The following SPAG16 variants were observed in gnomAD, a reference collection of about 807,000 sequenced individuals.
SPAG16 encodes sperm-associated antigen 16 protein.
Under a neutral mutation model 80.4 loss-of-function variants are expected in SPAG16, and 86 were observed. That is an observed-to-expected ratio of 1.07 (90% CI 0.90 to 1.28). The LOEUF is 1.28. Among genes scored for constraint, SPAG16 ranks in the 50% most tolerant of loss-of-function variants. SPAG16 has a pLI of 0.00. For synonymous variants in SPAG16, 294 were observed against 265.9 expected, an observed-to-expected ratio of 1.11 and a Z score of -1.03; for missense variants, 870 against 765.3, an observed-to-expected ratio of 1.14 and a Z score of -1.61.
chr2:213,865,929 A>G (rs1224152987), intron 11 of SPAG16, among the ~76,000 whole-genome samples: 2 of 145,410 alleles, frequency 1.4e-5, no homozygotes, highest in African/African-American at 5.2e-5. Flanking sequence ...TATATTATAT[A>G]TATATACTAT....
chr2:213,360,144 C>T (rs1439758014), intron 7 of SPAG16, among the ~76,000 whole-genome samples: 1 of 152,102 alleles, frequency 6.6e-6, no homozygotes, highest in African/African-American at 2.4e-5. Context: ...ACAGGTTTTA[C>T]CATGGACAAT....
intron 12 of SPAG16, among the ~76,000 whole-genome samples, chr2:213,967,980 G>A (rs1483084852): frequency 6.6e-6 from 1 of 152,054 alleles, no homozygotes; most frequent in Non-Finnish European, 1.5e-5. Flanking sequence ...AATGTGTAAA[G>A]GTAGAATACT....
intron 13 of SPAG16, among the ~76,000 whole-genome samples, chr2:214,094,862 A>C (rs1199266761): frequency 1.3e-5 from 2 of 152,016 alleles, no homozygotes; most frequent in African/African-American, 4.8e-5. Context: ...AAGGAGCTAC[A>C]CTTAAACTAC....
At chr2:214,182,286 C>T (rs2057332705) in intron 15 of SPAG16, among the ~76,000 whole-genome samples, 2 of 151,780 alleles carry the variant, frequency 1.3e-5, no homozygotes, top group South Asian at 2.1e-4. Flanking sequence ...GTTTGAGACT[C>T]TGGGTAATCA....
intron 13 of SPAG16, among the ~76,000 whole-genome samples, chr2:214,075,841 A>G (rs958144505): frequency 1.2e-4 from 18 of 152,182 alleles, no homozygotes; most frequent in African/African-American, 4.3e-4. Flanking sequence ...AGTAAGGATG[A>G]ACAGATTGTA....
chr2:213,613,972 C>T (rs2061517013), intron 10 of SPAG16, among the ~76,000 whole-genome samples: 1 of 152,180 alleles, frequency 6.6e-6, no homozygotes, highest in African/African-American at 2.4e-5. Context: ...CTTTGTCACA[C>T]AGTGTGGTCA....
intron 10 of SPAG16, among the ~76,000 whole-genome samples, chr2:213,616,804 T>A (rs1267724548): frequency 1.3e-5 from 2 of 152,192 alleles, no homozygotes; most frequent in East Asian, 3.8e-4. Flanking sequence ...GTACTCTGTC[T>A]GCATAGGGTA....
Position 213,387,429 on chromosome 2 carries a change from C to CTTTTTTTTTTTTTTTTTTTTTT in SPAG16, c.942+12311_942+12312insTTTTTTTTTTTTTTTTTTTTTT, listed in dbSNP as rs1491308938. 1.1e-4 allele frequency among the ~76,000 whole-genome samples: 8 copies of CTTTTTTTTTTTTTTTTTTTTTT among 71,760 alleles called. 1 individual carries two copies. Among genetic ancestry groups the CTTTTTTTTTTTTTTTTTTTTTT allele is most frequent in the Non-Finnish European group, 1.7e-4 (7 of 41,902 alleles). 47.1% of individuals were successfully genotyped at this position (71,760 alleles called of 152,430 possible). A position where few individuals can be genotyped will look rare whatever the true frequency, so the allele number is the denominator to read the frequency against. On this transcript the variant is annotated intron_variant, in intron 9 of 15. Coordinates refer to ENST00000331683, the MANE Select transcript of SPAG16 (RefSeq NM_024532.5). ...TTTTTGGGTTGGAATGAAATGCATGCTCTTTTTTTTTTTTTTTTTTTTTTT... is the reference window on the plus strand; with the variant it reads ...TTTTTGGGTTGGAATGAAATGCATGCTTTTTTTTTTTTTTTTTTTTTTTCTTTTTTTTTTTTTTTTTTTTTTT...
At chr2:213,849,447 G>T (rs2074795585) in intron 10 of SPAG16, among the ~76,000 whole-genome samples, 1 of 152,146 alleles carries the variant, frequency 6.6e-6, no homozygotes, top group African/African-American at 2.4e-5. Flanking sequence ...TGAAAGTGCT[G>T]AAGTTTGATG....
At chr2:213,700,289 G>C (rs1446210982) in intron 10 of SPAG16, among the ~76,000 whole-genome samples, 1 of 151,428 alleles carries the variant, frequency 6.6e-6, no homozygotes, top group African/African-American at 2.4e-5. Context: ...AATAGATGCA[G>C]TTCTTTTACT....
In SPAG16 at chr2:214,155,812, T is replaced by C. The variant is rs571813166; in HGVS notation, c.1720+6546T>C. Among the ~76,000 whole-genome samples, 4 of 152,246 alleles carry C rather than the reference T, an allele frequency of 2.6e-5. No homozygotes were observed. The South Asian group carries it at 8.3e-4, about 32-fold the overall frequency. ...TGGCTCATGTATTCACCTATTTAAT[T>C]CTCACCCCAACTCAATGAGATTGTT... is the stretch of plus-strand genomic sequence containing the variant. On this transcript the variant is annotated intron_variant, in intron 15 of 15. Coordinates refer to ENST00000331683, the MANE Select transcript of SPAG16 (RefSeq NM_024532.5).
intron 12 of SPAG16, among the ~76,000 whole-genome samples, chr2:213,939,887 GT>G (rs1291036285): frequency 2.6e-5 from 4 of 152,126 alleles, no homozygotes; most frequent in Non-Finnish European, 5.9e-5. Context: ...TCTCTGGGTA[GT>G]AAAAATTATG....
chr2:214,166,933 T>C (rs2056679293), intron 15 of SPAG16, among the ~76,000 whole-genome samples: 1 of 152,154 alleles, frequency 6.6e-6, no homozygotes, highest in Non-Finnish European at 1.5e-5. Flanking sequence ...CTTGTTTTAA[T>C]TGGCCATATT....
intron 14 of SPAG16, among the ~76,000 whole-genome samples, chr2:214,111,192 T>C (rs2053644264): frequency 6.6e-6 from 1 of 152,204 alleles, no homozygotes; most frequent in African/African-American, 2.4e-5. Context: ...GTTTTAGTCG[T>C]GAAGTTCTTG....
chr2:214,037,561 T>C (rs1006768709), intron 13 of SPAG16, among the ~76,000 whole-genome samples: 6 of 152,104 alleles, frequency 3.9e-5, no homozygotes, highest in South Asian at 2.1e-4. Context: ...TTGCAGGACT[T>C]CTATATCCTG....
intron 10 of SPAG16, among the ~76,000 whole-genome samples, chr2:213,557,870 T>C (rs977489225): frequency 1.3e-5 from 2 of 152,232 alleles, no homozygotes; most frequent in Non-Finnish European, 2.9e-5. Context: ...TGCATTCTTA[T>C]GTGATTATAT....
At chr2:214,330,226 G>A (rs1341112469) in intron 15 of SPAG16, among the ~76,000 whole-genome samples, 1 of 150,620 alleles carries the variant, frequency 6.6e-6, no homozygotes. Context: ...GCAGTGAGCC[G>A]AGATCACGCC....
rs1246859227 is a variant in SPAG16, at chr2:213,396,893, C to CT, written c.942+21783dup. Among the ~76,000 whole-genome samples, 20 of 151,002 alleles carry CT rather than the reference C, an allele frequency of 1.3e-4. No individual in the cohort carries two copies. In the South Asian group the frequency reaches 1.9e-3, roughly 14 times the overall value. On this transcript the variant is annotated intron_variant, in intron 9 of 15. Coordinates refer to ENST00000331683, the MANE Select transcript of SPAG16 (RefSeq NM_024532.5). ...AGAACTCTAATCCTCCGTAAGGATC[C>CT]TTTTTTTTTGACCCAATATTTCCCT... is the stretch of plus-strand genomic sequence containing the variant.
At chr2:213,581,231 T>C (rs1490708303) in intron 10 of SPAG16, among the ~76,000 whole-genome samples, 1 of 152,058 alleles carries the variant, frequency 6.6e-6, no homozygotes, top group African/African-American at 2.4e-5. Context: ...CTCTATTTCT[T>C]TTTTGAGACA....
Sources: allele counts gnomAD v4.1 joint callset (sites outside exome capture counted in the v4.1 genomes callset), GRCh38; gene constraint gnomAD v4.1.1; transcripts MANE v1.5; gene names NCBI Gene and HGNC (gene_info 2026-07-23, HGNC 2026-07-21).